Variants in FYN observed in about 807,000 individuals in gnomAD.
FYN encodes FYN proto-oncogene, Src family tyrosine kinase.
In FYN, 10 loss-of-function variants were observed where a neutral mutation model predicts 70.2. The observed-to-expected ratio is 0.14, with a 90% CI of 0.09 to 0.24. The LOEUF is 0.24. FYN is among the 10% of genes least tolerant of loss of function. The pLI, the probability that FYN is intolerant of heterozygous loss-of-function variation, is 1.00. For synonymous variants in FYN, 236 were observed against 248.6 expected, an observed-to-expected ratio of 0.95 and a Z score of 0.48; for missense variants, 319 against 673.1, an observed-to-expected ratio of 0.47 and a Z score of 5.82.
chr6:111,799,202 GTTTTTAAAAA>G (rs1771907443), intron 2 of FYN, among the ~76,000 whole-genome samples: 2 of 152,276 alleles, frequency 1.3e-5, no homozygotes, highest in African/African-American at 4.8e-5. Context: ...AAATAAACAA[GTTTTTAAAAA>G]TTTAACATTT....
chr6:111,829,026 C>A (rs963038005), intron 2 of FYN, among the ~76,000 whole-genome samples: 1 of 152,232 alleles, frequency 6.6e-6, no homozygotes, highest in East Asian at 1.9e-4. Context: ...CTCTTCCCAG[C>A]TTATCTGGCC....
chr6:111,717,757 C>T (rs1396658978), intron 4 of FYN, among the ~76,000 whole-genome samples: 2 of 152,222 alleles, frequency 1.3e-5, no homozygotes, highest in East Asian at 1.9e-4. Flanking sequence ...AGCTACTGCA[C>T]CCGGCCAGAG....
intron 2 of FYN, among the ~76,000 whole-genome samples, chr6:111,803,962 G>A (rs1199227379): frequency 6.6e-6 from 1 of 152,148 alleles, no homozygotes; most frequent in Non-Finnish European, 1.5e-5. Flanking sequence ...AACAGGAAAA[G>A]CTTCTTCTCT....
intron 3 of FYN, among the ~76,000 whole-genome samples, chr6:111,768,550 G>C (rs1315074284): frequency 6.6e-6 from 1 of 152,212 alleles, no homozygotes; most frequent in African/African-American, 2.4e-5. Context: ...ACACTTGCCA[G>C]GGCCCTGTTC....
At chr6:111,752,059 G>A (rs1483108032) in intron 3 of FYN, among the ~76,000 whole-genome samples, 2 of 152,132 alleles carry the variant, frequency 1.3e-5, no homozygotes, top group Non-Finnish European at 1.5e-5. Context: ...TATAAAACTG[G>A]ATGTTTATTA....
Position 111,714,419 on chromosome 6 carries a change from T to C in FYN, c.272A>G (p.Tyr91Cys). 1 of 1,614,096 alleles carries C rather than the reference T, an allele frequency of 6.2e-7. No individual in the cohort carries two copies. Among genetic ancestry groups the C allele is most frequent in the Non-Finnish European group, 8.5e-7 (1 of 1,179,966 alleles). The change falls in exon 5 of 14, where the codon TAT becomes TGT. Residue 91 changes from tyrosine (Y) to cysteine (C), a missense_variant. Transcript: ENST00000354650. The stretch of plus-strand genomic sequence containing the variant: ...ATCTTCTGTCCGTGCTTCATAGTCA[T>C]AAAGGGCCACAAAGAGTGTCACTCC... ...GTGVTLFVAL[Y>C]DYEARTEDDL...
chr6:111,784,750 G>A (rs1771301194), intron 2 of FYN, among the ~76,000 whole-genome samples: 1 of 152,148 alleles, frequency 6.6e-6, no homozygotes, highest in Non-Finnish European at 1.5e-5. Context: ...ATCTGTTTCT[G>A]GATCTGCTCC....
chr6:111,789,484 C>A (rs917176192), intron 2 of FYN, among the ~76,000 whole-genome samples: 3 of 152,150 alleles, frequency 2.0e-5, no homozygotes, highest in East Asian at 3.9e-4. Context: ...TATATTTCAA[C>A]GTTAAGGCCA....
chr6:111,819,895 C>G (rs558953000), intron 2 of FYN: 11 of 152,158 alleles, frequency 7.2e-5, no homozygotes, highest in African/African-American at 2.7e-4. Context: ...GGCGATAAGA[C>G]AGTTATTAAG....
chr6:111,812,784 G>A (rs186492100), intron 2 of FYN, among the ~76,000 whole-genome samples: 24 of 151,608 alleles, frequency 1.6e-4, no homozygotes, highest in Admixed American at 7.9e-4. Context: ...CAAATTCTTC[G>A]TCTATAAAGG....
chr6:111,872,400 G>A (rs1055459052), intron 1 of FYN, among the ~76,000 whole-genome samples: 2 of 145,498 alleles, frequency 1.4e-5, no homozygotes, highest in African/African-American at 5.1e-5. Flanking sequence ...GAAAGGGGAA[G>A]GGTGGGTGGG....
intron 3 of FYN, among the ~76,000 whole-genome samples, chr6:111,771,995 C>T (rs1474734900): frequency 1.3e-5 from 2 of 152,146 alleles, no homozygotes; most frequent in African/African-American, 4.8e-5. Context: ...TTGAAAAATC[C>T]TAGCTCTAAA....
At chr6:111,702,841 C>T in intron 8 of FYN, 44 bp downstream of exon 8, 2 of 1,599,214 alleles carry the variant, frequency 1.3e-6, no homozygotes, top group Non-Finnish European at 1.7e-6. Context: ...TATCCACTCC[C>T]TCCAGCATCC....
At chr6:111,848,598 T>C (rs1458034829) in intron 1 of FYN, among the ~76,000 whole-genome samples, 2 of 152,202 alleles carry the variant, frequency 1.3e-5, no homozygotes, top group African/African-American at 4.8e-5. Context: ...TCTGCAGCCA[T>C]AAACCAAAAG....
At chr6:111,837,809 C>G (rs189657740) in intron 2 of FYN, among the ~76,000 whole-genome samples, 5 of 151,186 alleles carry the variant, frequency 3.3e-5, no homozygotes, top group African/African-American at 1.2e-4. Context: ...TTCCACCACA[C>G]GACGCTGCCT....
At chr6:111,699,551 T>G in intron 9 of FYN, 1 of 1,614,148 alleles carries the variant, frequency 6.2e-7, no homozygotes, top group Non-Finnish European at 8.5e-7. Context: ...TGACCCAGCT[T>G]CTTCTCCAGA....
chr6:111,843,338 C>T (rs1554295612), intron 2 of FYN, among the ~76,000 whole-genome samples: 2 of 152,154 alleles, frequency 1.3e-5, no homozygotes, highest in Non-Finnish European at 1.5e-5. Flanking sequence ...ACAAAAAGCA[C>T]ATTTTTGTTC....
chr6:111,846,487 A>G, intron 2 of FYN, 102 bp downstream of exon 2: 1 of 398,636 alleles, frequency 2.5e-6, no homozygotes, highest in Non-Finnish European at 4.4e-6. Context: ...TGGACTCAGA[A>G]TTACAATCCC....
intron 2 of FYN, among the ~76,000 whole-genome samples, chr6:111,817,077 T>C (rs374862215): frequency 6.9e-6 from 1 of 145,936 alleles, no homozygotes; most frequent in South Asian, 2.1e-4. Context: ...TTCAACAACA[T>C]AGAAAGGAGT....
Sources: gnomAD v4.1 joint callset for allele counts (sites outside exome capture counted in the v4.1 genomes callset) on GRCh38, gnomAD v4.1.1 for gene constraint, MANE v1.5 for transcripts, NCBI Gene and HGNC (gene_info 2026-07-23, HGNC 2026-07-21) for gene names.